The following TF variants were observed in gnomAD, a reference collection of about 807,000 sequenced individuals.
The protein encoded by TF is transferrin.
TF carries 55 observed loss-of-function variants against 82.4 expected under a neutral mutation model. The observed-to-expected ratio is 0.67, with a 90% CI of 0.54 to 0.84. TF has a LOEUF of 0.84. Among genes scored for constraint, TF ranks in the 40% least tolerant of loss-of-function variants. The pLI, the probability that TF is intolerant of heterozygous loss-of-function variation, is 0.00. For missense variants in TF, 737 were observed against 868.4 expected, an observed-to-expected ratio of 0.85 and a Z score of 1.90; for synonymous variants, 332 against 332.6, an observed-to-expected ratio of 1.00 and a Z score of 0.02.
chr3:133,743,571 A>G (rs1458572056), upstream of TF, among the ~76,000 whole-genome samples: 1 of 152,010 alleles, frequency 6.6e-6, no homozygotes, highest in Admixed American at 6.5e-5. Context: ...CTGACCTTGA[A>G]CAAGATATCA....
intron 16 of TF, 145 bp from the exon 17 acceptor site, chr3:133,778,441 G>T: frequency 2.6e-6 from 2 of 775,312 alleles, no homozygotes; most frequent in South Asian, 3.0e-5. Flanking sequence ...GTAGAAAAGA[G>T]CACTGGGAGA....
chr3:133,739,442 G>C, the TF span, among the ~76,000 whole-genome samples: 1 of 151,894 alleles, frequency 6.6e-6, no homozygotes, highest in Non-Finnish European at 1.5e-5. Context: ...AAGCAATGGC[G>C]ACAAAAGCCA....
At chr3:133,757,582 C>T (rs1173700153) in intron 7 of TF, among the ~76,000 whole-genome samples, 187 bp from the exon 8 acceptor site, 3 of 152,214 alleles carry the variant, frequency 2.0e-5, no homozygotes, top group South Asian at 2.1e-4. Context: ...TCAGGCAAAT[C>T]GCGGACCCAC....
At chr3:133,682,501 G>C in the TF span, among the ~76,000 whole-genome samples, 2 of 152,172 alleles carry the variant, frequency 1.3e-5, no homozygotes, top group African/African-American at 4.8e-5. Context: ...AAACAGCATA[G>C]AGAAGACCTT....
the TF span, among the ~76,000 whole-genome samples, chr3:133,735,001 T>C: frequency 6.6e-6 from 1 of 152,202 alleles, no homozygotes; most frequent in Admixed American, 6.5e-5. Flanking sequence ...GGGATCCAGT[T>C]TGAACAACCT....
chr3:133,728,256 C>G, the TF span, among the ~76,000 whole-genome samples: 1 of 152,316 alleles, frequency 6.6e-6, no homozygotes. Context: ...TGTTTTCCAA[C>G]TTGGTTCCAT....
At chr3:133,757,686 A>C in intron 7 of TF, 83 bp from the exon 8 acceptor site, 47 of 1,347,134 alleles carry the variant, frequency 3.5e-5, no homozygotes, top group Non-Finnish European at 4.3e-5. Flanking sequence ...TGTTTCCTGC[A>C]GAGATTTCTT....
At chr3:133,739,008 C>A in the TF span, among the ~76,000 whole-genome samples, 5 of 152,178 alleles carry the variant, frequency 3.3e-5, no homozygotes, top group Admixed American at 3.3e-4. Context: ...ATAGCCAAGA[C>A]AATCCTAAGC....
At chr3:133,709,600 T>C in the TF span, 5,271 of 171,900 alleles carry the variant, frequency 0.031, 108 homozygotes, top group Middle Eastern at 0.059. Flanking sequence ...CACACTGCAG[T>C]TGGCACTTCT....
chr3:133,757,124 G>A, intron 7 of TF, 115 bp downstream of exon 7: 2 of 1,370,306 alleles, frequency 1.5e-6, no homozygotes, highest in Middle Eastern at 1.9e-4. Flanking sequence ...TACAGTGGGA[G>A]CCATGCCACA....
At chr3:133,708,328 C>G in the TF span, among the ~76,000 whole-genome samples, 1 of 151,942 alleles carries the variant, frequency 6.6e-6, no homozygotes, top group Non-Finnish European at 1.5e-5. Flanking sequence ...AGCAAGACTC[C>G]GTCTCAAAAA....
chr3:133,726,811 C>G, the TF span, among the ~76,000 whole-genome samples: 28 of 152,032 alleles, frequency 1.8e-4, no homozygotes, highest in Admixed American at 1.7e-3. Flanking sequence ...ATAAATTTCC[C>G]TCTACACACT....
the TF span, among the ~76,000 whole-genome samples, chr3:133,729,034 C>A: frequency 1.2e-4 from 19 of 152,236 alleles, no homozygotes; most frequent in African/African-American, 2.6e-4. Context: ...CAGAGGAGTA[C>A]CCGGCCGTGT....
rs955816141 is a variant in TF, at chr3:133,792,434, T to G, written c.*13814T>G. The stretch of plus-strand genomic sequence containing the variant: ...CTTCATAAAATGCCACTATGACTCT[T>G]AACTCTACAACTTGCCTGCTTTACA... On this transcript the variant is annotated 3_prime_UTR_variant, in exon 17 of 17. Coordinates refer to ENST00000402696, the MANE Select transcript of TF (RefSeq NM_001063.4). 2.6e-5 allele frequency: 4 copies of G among 152,226 alleles called. No homozygotes were observed. 9.4% of individuals were successfully genotyped at this position (152,226 alleles called of 1,614,324 possible).
intron 13 of TF, 66 bp downstream of exon 13, chr3:133,768,230 C>T (rs1030954355): frequency 3.1e-6 from 5 of 1,592,844 alleles, no homozygotes; most frequent in Non-Finnish European, 3.4e-6. Context: ...CTTTTAGGAA[C>T]TAAGGTAAGA....
At chr3:133,731,527 T>A in the TF span, among the ~76,000 whole-genome samples, 2 of 151,934 alleles carry the variant, frequency 1.3e-5, no homozygotes, top group African/African-American at 4.8e-5. Flanking sequence ...TTGCCAAAGG[T>A]CCCAGCAGCA....
chr3:133,673,182 T>C, the TF span, among the ~76,000 whole-genome samples: 1 of 152,088 alleles, frequency 6.6e-6, no homozygotes, highest in Non-Finnish European at 1.5e-5. Flanking sequence ...CGAAAAGACA[T>C]GTAGTAGAAT....
the TF span, among the ~76,000 whole-genome samples, chr3:133,710,789 T>C: frequency 1.3e-5 from 2 of 152,196 alleles, no homozygotes; most frequent in South Asian, 2.1e-4. Flanking sequence ...ATCTTTAAAA[T>C]TGGCCCCCCC....
At chr3:133,770,252 G>T (rs1271415053) in intron 13 of TF, among the ~76,000 whole-genome samples, 2 of 152,162 alleles carry the variant, frequency 1.3e-5, no homozygotes, top group Non-Finnish European at 2.9e-5. Context: ...GTTGATGTCA[G>T]GGAAATTATG....
Sources: gnomAD v4.1 joint callset for allele counts (sites outside exome capture counted in the v4.1 genomes callset) on GRCh38, gnomAD v4.1.1 for gene constraint, MANE v1.5 for transcripts, NCBI Gene and HGNC (gene_info 2026-07-23, HGNC 2026-07-21) for gene names.